Variants in FBXL17 observed in about 807,000 individuals in gnomAD.
FBXL17 encodes the protein F-box/LRR-repeat protein 17.
A neutral mutation model predicts 66.2 loss-of-function variants in FBXL17; 22 were observed. The ratio of observed to expected loss-of-function variants is 0.33; its 90% CI spans 0.24 to 0.47. The LOEUF is 0.47. Among genes scored for constraint, FBXL17 ranks in the 20% least tolerant of loss-of-function variants. The pLI, the probability that FBXL17 is intolerant of heterozygous loss-of-function variation, is 1.00. For missense variants in FBXL17, 878 were observed against 948.2 expected (o/e 0.93, Z 0.97); for synonymous variants, 474 against 400.5 (o/e 1.18, Z -2.19).
intron 2 of FBXL17, among the ~76,000 whole-genome samples, chr5:108,365,833 T>G (rs1398576395): frequency 6.6e-6 from 1 of 152,048 alleles, no homozygotes; most frequent in Non-Finnish European, 1.5e-5. Context: ...CTCCACATAT[T>G]TGATGTCAGA....
rs147345345 is a variant in FBXL17, at chr5:107,910,530, C to T, written c.1823-29351G>A. Among the ~76,000 whole-genome samples the T allele has an allele frequency of 2.2e-3, 332 of 152,050 alleles. 1 individual carries two copies. The highest frequency in any genetic ancestry group is 7.4e-3 in the African/African-American group (305 of 41,468). On this transcript the variant is annotated intron_variant, in intron 7 of 8. Transcript: ENST00000542267. Reference sequence around the variant, plus strand: ...AGTTAAGAGATGCCTCAAACATTCCCAATACCCAGTATATTCATGGTCCTA... The same window carrying T: ...AGTTAAGAGATGCCTCAAACATTCCTAATACCCAGTATATTCATGGTCCTA...
intron 4 of FBXL17, among the ~76,000 whole-genome samples, chr5:108,305,100 G>GA (rs912836393): frequency 6.6e-5 from 10 of 152,170 alleles, no homozygotes; most frequent in African/African-American, 2.2e-4. Context: ...GACCCTAATA[G>GA]AAAAGAGAGG....
chr5:107,992,641 T>G (rs1276170099), intron 7 of FBXL17, among the ~76,000 whole-genome samples: 1 of 152,254 alleles, frequency 6.6e-6, no homozygotes, highest in Non-Finnish European at 1.5e-5. Flanking sequence ...TTTTAAAAAT[T>G]TTTTTATCAA....
At chr5:108,166,835 T>C (rs1752433316) in intron 6 of FBXL17, among the ~76,000 whole-genome samples, 1 of 152,204 alleles carries the variant, frequency 6.6e-6, no homozygotes, top group Non-Finnish European at 1.5e-5. Flanking sequence ...GAGCTAGAAA[T>C]TAGAAATTAA....
intron 4 of FBXL17, among the ~76,000 whole-genome samples, chr5:108,287,887 T>C (rs149996173): frequency 6.6e-6 from 1 of 151,856 alleles, no homozygotes; most frequent in Non-Finnish European, 1.5e-5. Context: ...GATGGTAAAC[T>C]AGATAAAGAA....
rs1287152827 is a variant in FBXL17 at position 108,009,290 on chromosome 5, T to TAGATAGATAGATAG, written c.1822+11634_1822+11635insCTATCTATCTATCT. ...ATATATATATATATATATATATATA[T>TAGATAGATAGATAG]ATATATATATACATATATACATACA... On this transcript the variant is annotated intron_variant, in intron 7 of 8. Coordinates refer to ENST00000542267, the MANE Select transcript of FBXL17 (RefSeq NM_001163315.3). Among the ~76,000 whole-genome samples, 31 of 54,684 alleles carry TAGATAGATAGATAG rather than the reference T, an allele frequency of 5.7e-4. 2 individuals are homozygous for TAGATAGATAGATAG. Among genetic ancestry groups the TAGATAGATAGATAG allele is most frequent in the African/African-American group, 1.3e-3 (12 of 8,974 alleles). The allele number at this position is 54,684 out of a possible 152,430, so 35.9% of individuals were successfully genotyped here.
intron 4 of FBXL17, among the ~76,000 whole-genome samples, chr5:108,254,080 C>T (rs995808766): frequency 1.3e-5 from 2 of 152,170 alleles, no homozygotes; most frequent in East Asian, 1.9e-4. Context: ...TATGTAAGCT[C>T]GTATTTTGAA....
At chr5:108,143,001 T>TAATAATAATAATAAA (rs1407689755) in intron 6 of FBXL17, among the ~76,000 whole-genome samples, 2 of 150,820 alleles carry the variant, frequency 1.3e-5, no homozygotes, top group East Asian at 2.0e-4. Context: ...ATAATAATAA[T>TAATAATAATAATAAA]AAAAGATTCT....
chr5:108,042,008 G>A (rs1747065743), intron 6 of FBXL17, among the ~76,000 whole-genome samples: 1 of 152,016 alleles, frequency 6.6e-6, no homozygotes. Flanking sequence ...CGACTCTCCT[G>A]CCTCAACCTC....
intron 7 of FBXL17, among the ~76,000 whole-genome samples, chr5:107,913,085 G>T (rs565411401): frequency 6.6e-6 from 1 of 152,108 alleles, no homozygotes; most frequent in East Asian, 1.9e-4. Flanking sequence ...TCTTAACAAT[G>T]ATTAGCTTTT....
intron 7 of FBXL17, among the ~76,000 whole-genome samples, chr5:107,926,804 A>C (rs1750537848): frequency 6.6e-6 from 1 of 152,150 alleles, no homozygotes; most frequent in African/African-American, 2.4e-5. Context: ...CTTTTCAGTT[A>C]CTAATGCACA....
At chr5:108,325,572 A>G (rs1759810898) in intron 4 of FBXL17, among the ~76,000 whole-genome samples, 1 of 152,190 alleles carries the variant, frequency 6.6e-6, no homozygotes, top group African/African-American at 2.4e-5. Context: ...GAAGAAAGGG[A>G]AAAAGAAATA....
chr5:108,293,556 T>C (rs1303975159), intron 4 of FBXL17, among the ~76,000 whole-genome samples: 1 of 152,148 alleles, frequency 6.6e-6, no homozygotes, highest in African/African-American at 2.4e-5. Context: ...AAATTGTAAG[T>C]CTAAAATGAA....
intron 4 of FBXL17, among the ~76,000 whole-genome samples, chr5:108,244,877 T>G (rs75428627): frequency 0.12 from 18,552 of 152,136 alleles, 1,373 homozygotes; most frequent in Admixed American, 0.16. Flanking sequence ...TATTTAAAAT[T>G]ATAGGTAATT....
At chr5:108,247,627 TTTAAAA>T (rs1479408160) in intron 4 of FBXL17, among the ~76,000 whole-genome samples, 1 of 152,328 alleles carries the variant, frequency 6.6e-6, no homozygotes, top group Admixed American at 6.5e-5. Flanking sequence ...TAAATAAGTC[TTTAAAA>T]TTAAGAAATC....
chr5:108,198,571 T>C (rs1187581679), intron 5 of FBXL17, among the ~76,000 whole-genome samples: 5 of 152,202 alleles, frequency 3.3e-5, no homozygotes, highest in African/African-American at 1.2e-4. Flanking sequence ...AGAAAAATCT[T>C]AGAAGAGTCA....
intron 4 of FBXL17, among the ~76,000 whole-genome samples, chr5:108,230,065 AG>A (rs1231491600): frequency 6.6e-6 from 1 of 152,222 alleles, no homozygotes; most frequent in African/African-American, 2.4e-5. Flanking sequence ...AAAATCAAAA[AG>A]TAATAGATGT....
chr5:107,991,400 G>C (rs1753241921), intron 7 of FBXL17, among the ~76,000 whole-genome samples: 1 of 152,198 alleles, frequency 6.6e-6, no homozygotes, highest in African/African-American at 2.4e-5. Context: ...GGGTGGGGTT[G>C]AGGTGGGAAG....
intron 3 of FBXL17, among the ~76,000 whole-genome samples, chr5:108,350,981 T>C (rs1256156934): frequency 6.6e-6 from 1 of 152,142 alleles, no homozygotes; most frequent in African/African-American, 2.4e-5. Flanking sequence ...CCATCACACT[T>C]GTATATGAGA....
Sources: gnomAD v4.1 joint callset for allele counts (sites outside exome capture counted in the v4.1 genomes callset) on GRCh38, gnomAD v4.1.1 for gene constraint, MANE v1.5 for transcripts, NCBI Gene and HGNC (gene_info 2026-07-23, HGNC 2026-07-21) for gene names.